The following IFT74 variants were observed in gnomAD, a reference collection of about 807,000 sequenced individuals.
IFT74 encodes intraflagellar transport 74.
In IFT74, 92 loss-of-function variants were observed where a neutral mutation model predicts 96.7. The observed-to-expected ratio is 0.95, with a 90% CI of 0.80 to 1.13. The LOEUF is 1.13. Ranked by LOEUF, IFT74 falls within the 50% of genes most tolerant of loss-of-function variation. The pLI is 0.00. For synonymous variants in IFT74, 223 were observed against 213.2 expected, an observed-to-expected ratio of 1.05 and a Z score of -0.40; for missense variants, 811 against 698.2, an observed-to-expected ratio of 1.16 and a Z score of -1.82.
chr9:27,010,280 C>T (rs7041548), intron 9 of IFT74, among the ~76,000 whole-genome samples: 1,935 of 151,360 alleles, frequency 0.013, 39 homozygotes, highest in African/African-American at 0.045. Context: ...TGAGCCACCG[C>T]GCCCGGCCTT....
Position 27,065,984 on chromosome 9 carries a change from G to A in IFT74, c.*3248G>A, listed in dbSNP as rs1820592515. Among the ~76,000 whole-genome samples, 1 of 152,096 alleles carries A rather than the reference G, an allele frequency of 6.6e-6. No homozygotes were observed. The highest frequency in any genetic ancestry group is 2.1e-4 in the South Asian group (1 of 4,832). ...TTTTAATACAAAGGTAGATAATTTA[G>A]GAAGACAGATAAATAAAATGAAGAA... is the stretch of plus-strand genomic sequence containing the variant. On this transcript the variant is annotated 3_prime_UTR_variant, in exon 20 of 20. Coordinates refer to ENST00000380062, the MANE Select transcript of IFT74 (RefSeq NM_025103.4).
At chr9:26,955,016 A>C (rs1185093566), upstream of IFT74, among the ~76,000 whole-genome samples, 1 of 152,146 alleles carries the variant, frequency 6.6e-6, no homozygotes, top group Non-Finnish European at 1.5e-5. Context: ...TTACTACCTA[A>C]ATGAGCTTAA....
chr9:27,039,224 A>T (rs1235805392), intron 13 of IFT74, among the ~76,000 whole-genome samples: 1 of 152,064 alleles, frequency 6.6e-6, no homozygotes, highest in East Asian at 1.9e-4. Flanking sequence ...TAAAGACAGG[A>T]TTCACTATTT....
chr9:27,065,007 C>T lies in IFT74; in HGVS notation c.*2271C>T, dbSNP rs538271324. ...TGACAGAAAGGATGTAGTAAAAACT[C>T]TTAAGTCCTTGACTCTAGAACTGAA... On this transcript the variant is annotated 3_prime_UTR_variant, in exon 20 of 20. Transcript: ENST00000380062. Among the ~76,000 whole-genome samples, 2 of 152,166 alleles carry T rather than the reference C, an allele frequency of 1.3e-5. No homozygotes were observed. Among genetic ancestry groups the T allele is most frequent in the African/African-American group, 4.8e-5 (2 of 41,528 alleles).
Position 27,009,175 on chromosome 9 carries a change from C to T in IFT74, c.726+17C>T. ...CTGTTACAGGTAATACAAATTACTG[C>T]TGTGTGCCAAGCATGTATCATTCTT... is the stretch of plus-strand genomic sequence containing the variant. On this transcript the variant is annotated intron_variant, in intron 9 of 19. Coordinates refer to ENST00000380062, the MANE Select transcript of IFT74 (RefSeq NM_025103.4). 1 of 1,604,140 alleles carries T rather than the reference C, an allele frequency of 6.2e-7. No individual in the cohort carries two copies. The highest frequency in any genetic ancestry group is 1.7e-5 in the Admixed American group (1 of 58,892).
chr9:27,006,813 G>A (rs1239571618), intron 8 of IFT74, among the ~76,000 whole-genome samples: 1 of 136,882 alleles, frequency 7.3e-6, no homozygotes, highest in Non-Finnish European at 1.6e-5. Context: ...CAACGTTTTT[G>A]TTTACTTATT....
rs145285921 is a variant in IFT74, at chr9:26,989,060, T to C, written c.525+332T>C. ...GGCTTAGTTTAAGCACAAATGTTGATGAATACTCAATGTGACAAATGATAA... is the reference window on the plus strand; with the variant it reads ...GGCTTAGTTTAAGCACAAATGTTGACGAATACTCAATGTGACAAATGATAA... On this transcript the variant is annotated intron_variant, in intron 7 of 19. Transcript: ENST00000380062. 1.6e-3 allele frequency among the ~76,000 whole-genome samples: 239 copies of C among 152,324 alleles called. 3 individuals are homozygous for C. Among genetic ancestry groups the C allele is most frequent in the Non-Finnish European group, 2.5e-4 (17 of 68,024 alleles).
chr9:26,965,818 A>T (rs1180542190), intron 2 of IFT74, among the ~76,000 whole-genome samples: 3 of 151,980 alleles, frequency 2.0e-5, no homozygotes, highest in African/African-American at 2.4e-5. Flanking sequence ...AGTGTCTGTT[A>T]TCTCACTCTG....
chr9:26,947,186 T>A, intron 1 of IFT74: 1 of 1,015,666 alleles, frequency 9.8e-7, no homozygotes, highest in Non-Finnish European at 1.4e-6. Context: ...CGAGAGCCGG[T>A]ACGGAAGGGC....
intron 1 of IFT74, among the ~76,000 whole-genome samples, chr9:26,960,519 T>G (rs1353110382): frequency 1.3e-5 from 2 of 152,242 alleles, no homozygotes; most frequent in African/African-American, 4.8e-5. Context: ...CGTTTAAGTA[T>G]CTTGGTCATA....
chr9:27,020,261 G>A (rs1829535858), intron 12 of IFT74, among the ~76,000 whole-genome samples: 1 of 152,040 alleles, frequency 6.6e-6, no homozygotes, highest in Non-Finnish European at 1.5e-5. Context: ...TACAACTTAT[G>A]AAATTAAATT....
intron 16 of IFT74, among the ~76,000 whole-genome samples, chr9:27,053,817 T>G (rs1042055875): frequency 6.6e-6 from 1 of 152,230 alleles, no homozygotes; most frequent in Admixed American, 6.5e-5. Flanking sequence ...AGTCAAAATA[T>G]CTACAGGCTA....
chr9:27,002,828 G>T (rs377164222), intron 8 of IFT74, among the ~76,000 whole-genome samples: 2 of 152,090 alleles, frequency 1.3e-5, no homozygotes, highest in Non-Finnish European at 2.9e-5. Context: ...TCTATGAAGA[G>T]CGTCACTGTA....
At chr9:26,958,487 G>GT (rs145424125) in intron 1 of IFT74, among the ~76,000 whole-genome samples, 2 of 152,272 alleles carry the variant, frequency 1.3e-5, no homozygotes, top group African/African-American at 2.4e-5. Context: ...GGAATAGAGA[G>GT]TAAAGTACCT....
intron 13 of IFT74, among the ~76,000 whole-genome samples, chr9:27,035,761 A>G (rs1436219689): frequency 3.9e-5 from 6 of 152,256 alleles, no homozygotes; most frequent in Non-Finnish European, 7.3e-5. Context: ...TAAAAATTAT[A>G]CAATTTATAC....
intron 16 of IFT74, among the ~76,000 whole-genome samples, chr9:27,054,617 C>T (rs143078774): frequency 3.9e-5 from 6 of 152,294 alleles, no homozygotes; most frequent in Non-Finnish European, 7.4e-5. Flanking sequence ...AATTTGCCCT[C>T]TCACTAAAGT....
At chr9:26,988,633 A>C (rs1382505006) in intron 6 of IFT74, 36 bp from the exon 7 acceptor site, 7 of 1,514,894 alleles carry the variant, frequency 4.6e-6, no homozygotes, top group Non-Finnish European at 6.3e-6. Context: ...AAAGACTAAC[A>C]AAATGGTGTT....
intron 8 of IFT74, among the ~76,000 whole-genome samples, chr9:26,997,360 G>A (rs1828217148): frequency 7.8e-6 from 1 of 127,742 alleles, no homozygotes; most frequent in Non-Finnish European, 1.6e-5. Flanking sequence ...TTGAGACAGA[G>A]TCTCACTCTG....
intron 12 of IFT74, among the ~76,000 whole-genome samples, chr9:27,023,607 C>A (rs1256263345): frequency 1.3e-5 from 2 of 151,778 alleles, no homozygotes; most frequent in East Asian, 3.9e-4. Flanking sequence ...GGATGTTGGT[C>A]CATAGTTTTC....
Sources: gnomAD v4.1 joint callset for allele counts (sites outside exome capture counted in the v4.1 genomes callset) on GRCh38, gnomAD v4.1.1 for gene constraint, MANE v1.5 for transcripts, NCBI Gene and HGNC (gene_info 2026-07-23, HGNC 2026-07-21) for gene names.